Variants in KPNA1 observed in about 807,000 individuals in gnomAD.
KPNA1 encodes karyopherin subunit alpha 1.
KPNA1 carries 10 observed loss-of-function variants against 70.5 expected under a neutral mutation model. The observed-to-expected ratio is 0.14, with a 90% confidence interval of 0.09 to 0.24. KPNA1 has a LOEUF of 0.24. Among genes scored for constraint, KPNA1 ranks in the 10% least tolerant of loss-of-function variants. The pLI, the probability that KPNA1 is intolerant of heterozygous loss-of-function variation, is 1.00. For missense variants in KPNA1, 397 were observed against 637.9 expected (o/e 0.62, Z 4.07); for synonymous variants, 192 against 221.9 (o/e 0.87, Z 1.20).
rs544318646 is a variant in KPNA1 at position 122,472,038 on chromosome 3, A to G, written c.130-4609T>C. Among the ~76,000 whole-genome samples, 10 of 152,358 alleles carry G rather than the reference A, an allele frequency of 6.6e-5. No individual in the cohort carries two copies. The South Asian group carries it at 2.1e-3, about 32-fold the overall frequency. ...CCTCTCTATCAGAAACGGCCAGATC[A>G]AGCAGGGAGAAAACCAGTAAGGACA... On this transcript the variant is annotated intron_variant, in intron 2 of 13. Transcript: ENST00000344337.
At chr3:122,509,896 C>CT (rs2076936814) in intron 1 of KPNA1, among the ~76,000 whole-genome samples, 2 of 152,012 alleles carry the variant, frequency 1.3e-5, no homozygotes, top group South Asian at 4.1e-4. Flanking sequence ...ATGGAATGCC[C>CT]TTAAACAAAA....
intron 2 of KPNA1, among the ~76,000 whole-genome samples, chr3:122,488,338 T>C (rs1001185361): frequency 6.6e-6 from 1 of 151,858 alleles, no homozygotes; most frequent in Non-Finnish European, 1.5e-5. Flanking sequence ...CTGGGCAACA[T>C]AGTGAGACCC....
intron 1 of KPNA1, among the ~76,000 whole-genome samples, chr3:122,505,270 G>A (rs2076877819): frequency 1.0e-5 from 1 of 96,676 alleles, no homozygotes; most frequent in Admixed American, 1.1e-4. Context: ...ACCACTGCAT[G>A]CCTCAAAAAA....
At chr3:122,431,101 G>C (rs1260475262) in intron 12 of KPNA1, among the ~76,000 whole-genome samples, 1 of 152,162 alleles carries the variant, frequency 6.6e-6, no homozygotes, top group Non-Finnish European at 1.5e-5. Context: ...AAGAACATGT[G>C]TTATATATGT....
At chr3:122,461,413 A>G in intron 4 of KPNA1, 95 bp from the exon 5 acceptor site, 2 of 727,864 alleles carry the variant, frequency 2.7e-6, no homozygotes, top group Non-Finnish European at 4.8e-6. Context: ...CCCTCCATTT[A>G]CCATCTCTCA....
chr3:122,440,247 T>C (rs995546526), intron 10 of KPNA1, among the ~76,000 whole-genome samples: 5 of 151,828 alleles, frequency 3.3e-5, no homozygotes, highest in African/African-American at 1.2e-4. Context: ...AAAAAATAAG[T>C]ACCTAACTTA....
chr3:122,462,783 A>T (rs1217979015), intron 4 of KPNA1, among the ~76,000 whole-genome samples: 1 of 152,158 alleles, frequency 6.6e-6, no homozygotes, highest in Non-Finnish European at 1.5e-5. Context: ...AATTTTTTTA[A>T]ATCACTAATG....
At chr3:122,454,348 A>C (rs957621408) in intron 5 of KPNA1, among the ~76,000 whole-genome samples, 2 of 152,218 alleles carry the variant, frequency 1.3e-5, no homozygotes, top group Non-Finnish European at 2.9e-5. Flanking sequence ...CATATTTTCT[A>C]AAAGCGTTAA....
chr3:122,514,456 G>T, intron 1 of KPNA1: 1 of 148,232 alleles, frequency 6.7e-6, no homozygotes. Context: ...AGTCCCCGGC[G>T]CCGCTTACAG....
chr3:122,455,704 T>C (rs2076257580), intron 5 of KPNA1, among the ~76,000 whole-genome samples: 1 of 152,060 alleles, frequency 6.6e-6, no homozygotes, highest in Non-Finnish European at 1.5e-5. Context: ...TACAGGCATG[T>C]GCCACCACGC....
intron 1 of KPNA1, among the ~76,000 whole-genome samples, chr3:122,497,744 C>A (rs1459408901): frequency 6.6e-6 from 1 of 152,080 alleles, no homozygotes; most frequent in Non-Finnish European, 1.5e-5. Context: ...TATTCAAGTG[C>A]CTTAGCCCAT....
chr3:122,486,593 C>CTTT (rs200913665), intron 2 of KPNA1, among the ~76,000 whole-genome samples: 1 of 146,992 alleles, frequency 6.8e-6, no homozygotes, highest in African/African-American at 2.5e-5. Context: ...TCTGTGCATT[C>CTTT]TTTTTTTTTT....
intron 2 of KPNA1, among the ~76,000 whole-genome samples, chr3:122,477,924 G>GAGGC (rs2076521509): frequency 1.3e-5 from 2 of 151,726 alleles, no homozygotes; most frequent in Non-Finnish European, 2.9e-5. Context: ...AGCACTTTGG[G>GAGGC]TGGTCAAGGC....
chr3:122,436,536 A>G (rs1168023211), intron 11 of KPNA1, among the ~76,000 whole-genome samples: 1 of 152,228 alleles, frequency 6.6e-6, no homozygotes, highest in East Asian at 1.9e-4. Flanking sequence ...TTTATTTCTC[A>G]GACCGGCCGA....
chr3:122,508,132 T>A (rs1387859534), intron 1 of KPNA1, among the ~76,000 whole-genome samples: 1 of 151,872 alleles, frequency 6.6e-6, no homozygotes, highest in Non-Finnish European at 1.5e-5. Context: ...ATAAAGAAAT[T>A]TTTTTTTCAA....
intron 9 of KPNA1, among the ~76,000 whole-genome samples, chr3:122,447,480 T>A (rs1380253939): frequency 2.6e-5 from 4 of 152,348 alleles, no homozygotes; most frequent in Middle Eastern, 3.4e-3. Flanking sequence ...CAGCCCTTCA[T>A]GCTAAAAACT....
At chr3:122,514,142 T>C (rs762572623) in intron 1 of KPNA1, among the ~76,000 whole-genome samples, 1 of 152,030 alleles carries the variant, frequency 6.6e-6, no homozygotes, top group Non-Finnish European at 1.5e-5. Flanking sequence ...TTGCTATAAT[T>C]ACCACACCCC....
At chr3:122,458,694 A>T (rs2076290542) in intron 5 of KPNA1, among the ~76,000 whole-genome samples, 1 of 152,206 alleles carries the variant, frequency 6.6e-6, no homozygotes, top group South Asian at 2.1e-4. Context: ...GATAGCTTAC[A>T]TCTGTCTGCT....
At chr3:122,427,880 C>A (rs567119178) in intron 12 of KPNA1, among the ~76,000 whole-genome samples, 164 bp from the exon 13 acceptor site, 8 of 151,758 alleles carry the variant, frequency 5.3e-5, no homozygotes, top group Admixed American at 3.9e-4. Context: ...AAAACAAAAA[C>A]AAAAAACCCT....
Sources: allele counts gnomAD v4.1 joint callset (sites outside exome capture counted in the v4.1 genomes callset), GRCh38; gene constraint gnomAD v4.1.1; transcripts MANE v1.5; gene names NCBI Gene and HGNC (gene_info 2026-07-23, HGNC 2026-07-21).